WNT7B: variants seen among roughly 807,000 people sequenced by gnomAD.
The protein encoded by WNT7B is Wnt family member 7B.
WNT7B carries 19 observed loss-of-function variants against 38.2 expected under a neutral mutation model. The ratio of observed to expected loss-of-function variants is 0.50; its 90% CI spans 0.35 to 0.73. WNT7B has a LOEUF of 0.73. WNT7B is among the 30% of genes least tolerant of loss of function. The pLI, the probability that WNT7B is intolerant of heterozygous loss-of-function variation, is 0.01. For missense variants in WNT7B, 423 were observed against 507.9 expected, an observed-to-expected ratio of 0.83 and a Z score of 1.61; for synonymous variants, 243 against 209.3, an observed-to-expected ratio of 1.16 and a Z score of -1.39.
intron 2 of WNT7B, among the ~76,000 whole-genome samples, chr22:45,940,915 T>G (rs1212359625): frequency 1.3e-5 from 2 of 152,184 alleles, no homozygotes; most frequent in Non-Finnish European, 2.9e-5. Flanking sequence ...CATGAGTGGT[T>G]TGTCCCAGCA....
At chr22:45,927,762 G>A (rs1022859222) in intron 3 of WNT7B, among the ~76,000 whole-genome samples, 1 of 152,222 alleles carries the variant, frequency 6.6e-6, no homozygotes, top group South Asian at 2.1e-4. Context: ...TGGGCACAGT[G>A]GCACACGCCT....
chr22:45,928,687 G>C (rs1476570893), intron 3 of WNT7B, among the ~76,000 whole-genome samples: 1 of 151,826 alleles, frequency 6.6e-6, no homozygotes, highest in Admixed American at 6.5e-5. Flanking sequence ...ACACCTCCAA[G>C]TCCCACACCA....
Position 45,936,002 on chromosome 22 carries a change from C to T in WNT7B, c.299-4633G>A, listed in dbSNP as rs549358661. On this transcript the variant is annotated intron_variant, in intron 2 of 3. Transcript: ENST00000339464. ...CAGCCTACCCAAGCACAGGTCTGTA[C>T]CCCCAGATTCTAGAGCCAGCAGCAG... 7 of 985,200 alleles carry T rather than the reference C, an allele frequency of 7.1e-6. No individual in the cohort carries two copies. In the South Asian group the frequency reaches 2.3e-4, roughly 33 times the overall value. 61.0% of individuals were successfully genotyped at this position (985,200 alleles called of 1,614,324 possible).
In WNT7B at chr22:45,959,203, T is replaced by C. The variant is rs574876103; in HGVS notation, c.72-9057A>G. Among the ~76,000 whole-genome samples, 27 of 152,306 alleles carry C rather than the reference T, an allele frequency of 1.8e-4. No individual in the cohort carries two copies. The South Asian group carries it at 5.6e-3, about 32-fold the overall frequency. On this transcript the variant is annotated intron_variant, in intron 1 of 3. Transcript: ENST00000339464. ...TGTGCAGGCAGCAGGATGGGGCATC[T>C]GGGACACCCTCAGCAGGGCTGGGGC...
chr22:45,964,585 G>A (rs924824933), intron 1 of WNT7B, among the ~76,000 whole-genome samples: 4 of 152,142 alleles, frequency 2.6e-5, no homozygotes, highest in African/African-American at 9.7e-5. Context: ...CCTGAGTCGG[G>A]GAGCCTGGAA....
intron 3 of WNT7B, among the ~76,000 whole-genome samples, chr22:45,930,876 G>A (rs1434796811): frequency 6.6e-6 from 1 of 152,172 alleles, no homozygotes; most frequent in African/African-American, 2.4e-5. Context: ...GCATCGCGTT[G>A]GCATTCAGAG....
Position 45,966,255 on chromosome 22 carries a change from C to A in WNT7B, c.71+10429G>T, listed in dbSNP as rs1240459078. ...AGGGCAGGCAGTGCATTCTGGAGGACTTCCCAATTGGAAGGGGCTTTGCCA... is the reference window on the plus strand; with the variant it reads ...AGGGCAGGCAGTGCATTCTGGAGGAATTCCCAATTGGAAGGGGCTTTGCCA... On this transcript the variant is annotated intron_variant, in intron 1 of 3. Transcript: ENST00000339464. The surrounding 1 kb of genome is among the most constrained non-coding windows in gnomAD (Gnocchi z 4.2). Among the ~76,000 whole-genome samples the A allele has an allele frequency of 6.6e-6, 1 of 152,246 alleles. No individual in the cohort carries two copies. Among genetic ancestry groups the A allele is most frequent in the Non-Finnish European group, 1.5e-5 (1 of 68,044 alleles).
chr22:45,929,536 T>TCATCCTTCCAAC (rs1361820357), intron 3 of WNT7B, among the ~76,000 whole-genome samples: 4 of 118,092 alleles, frequency 3.4e-5, no homozygotes, highest in African/African-American at 1.3e-4. Flanking sequence ...TTCCACCCAC[T>TCATCCTTCCAAC]CATCCTTCCA....
At chr22:45,959,145 C>A (rs538204227) in intron 1 of WNT7B, among the ~76,000 whole-genome samples, 2 of 152,136 alleles carry the variant, frequency 1.3e-5, no homozygotes, top group South Asian at 4.1e-4. Context: ...CAGACACATG[C>A]GGGAGACACT....
chr22:45,976,877 G>A lies in WNT7B; in HGVS notation c.-123C>T. On this transcript the variant is annotated 5_prime_UTR_variant, in exon 1 of 4. Transcript: ENST00000339464. The surrounding 1 kb of genome is among the most constrained non-coding windows in gnomAD (Gnocchi z 8.5). ...GCGCTCAGCCCGCGCTGCGGCTCGG[G>A]CGGCCGGCGACGCGCGGGCACTCGG... 9.8e-7 allele frequency: 1 copy of A among 1,021,792 alleles called. No homozygotes were observed. Among genetic ancestry groups the A allele is most frequent in the Non-Finnish European group, 1.2e-6 (1 of 849,336 alleles). 63.3% of individuals were successfully genotyped at this position (1,021,792 alleles called of 1,614,324 possible). A position where few individuals can be genotyped will look rare whatever the true frequency, so the allele number is the denominator to read the frequency against.
intron 3 of WNT7B, among the ~76,000 whole-genome samples, chr22:45,930,745 C>T (rs1931319695): frequency 1.3e-5 from 2 of 152,204 alleles, no homozygotes; most frequent in Admixed American, 1.3e-4. Flanking sequence ...CCTCCGGGAC[C>T]AGGAACGCCA....
intron 1 of WNT7B, among the ~76,000 whole-genome samples, chr22:45,956,908 C>G (rs938483459): frequency 1.3e-5 from 2 of 151,892 alleles, no homozygotes; most frequent in African/African-American, 4.8e-5. Context: ...GAGATCGAGA[C>G]CATCCTGGCC....
In WNT7B at chr22:45,928,297, A is replaced by C. The variant is rs1931158239; in HGVS notation, c.570+2801T>G. On this transcript the variant is annotated intron_variant, in intron 3 of 3. Transcript: ENST00000339464. Reference sequence around the variant, plus strand: ...AGGGCTGGATTCAGTGCTTATGGAAAGTTCCAAAGCCCCACCCTACACCCA... The same window carrying C: ...AGGGCTGGATTCAGTGCTTATGGAACGTTCCAAAGCCCCACCCTACACCCA... Among the ~76,000 whole-genome samples, 4 of 152,094 alleles carry C rather than the reference A, an allele frequency of 2.6e-5. No individual in the cohort carries two copies. The South Asian group carries it at 8.3e-4, about 32-fold the overall frequency.
At chr22:45,928,352 G>C (rs149738429) in intron 3 of WNT7B, among the ~76,000 whole-genome samples, 1 of 152,136 alleles carries the variant, frequency 6.6e-6, no homozygotes, top group African/African-American at 2.4e-5. Context: ...CACCACCCTC[G>C]GCCTTCTCCA....
chr22:45,932,662 A>G (rs1931404030), intron 2 of WNT7B, among the ~76,000 whole-genome samples: 1 of 152,110 alleles, frequency 6.6e-6, no homozygotes, highest in African/African-American at 2.4e-5. Context: ...GGCTGAGTCC[A>G]TGTCATTTCT....
chr22:45,933,805 ACAGAGG>A (rs1931441294), intron 2 of WNT7B, among the ~76,000 whole-genome samples: 1 of 152,198 alleles, frequency 6.6e-6, no homozygotes, highest in African/African-American at 2.4e-5. Context: ...GCCTGGGCAC[ACAGAGG>A]CAAAGATGCT....
chr22:45,942,038 C>T (rs1931662313), intron 2 of WNT7B, among the ~76,000 whole-genome samples: 1 of 152,108 alleles, frequency 6.6e-6, no homozygotes, highest in African/African-American at 2.4e-5. Context: ...TTCTGAGCCC[C>T]CATCTGCCCC....
rs547865788 is a variant in WNT7B, at chr22:45,965,406, G to A, written c.71+11278C>T. ...CCTGGCCAGCCCTGATAACCCACCCGCGGGGGCTGCCGTCACGCTGTGGGC... is the reference window on the plus strand; with the variant it reads ...CCTGGCCAGCCCTGATAACCCACCCACGGGGGCTGCCGTCACGCTGTGGGC... On this transcript the variant is annotated intron_variant, in intron 1 of 3. Transcript: ENST00000339464. This position sits in a 1 kb window ranked among gnomAD's most constrained non-coding sequence, Gnocchi z 6.5. Among the ~76,000 whole-genome samples, 12 of 152,284 alleles carry A rather than the reference G, an allele frequency of 7.9e-5. No homozygotes were observed. The highest frequency in any genetic ancestry group is 6.2e-4 in the South Asian group (3 of 4,824).
At chr22:45,947,978 C>T (rs1217524788) in intron 2 of WNT7B, among the ~76,000 whole-genome samples, 1 of 152,190 alleles carries the variant, frequency 6.6e-6, no homozygotes, top group African/African-American at 2.4e-5. Context: ...GTGGCCCACA[C>T]GTCCCTCACC....
Sources: gnomAD v4.1 joint callset for allele counts (sites outside exome capture counted in the v4.1 genomes callset) on GRCh38, gnomAD v4.1.1 for gene constraint, Gnocchi (gnomAD v3.1) non-coding constraint, MANE v1.5 for transcripts, NCBI Gene and HGNC (gene_info 2026-07-23, HGNC 2026-07-21) for gene names.